Variants in RBFOX1 observed in about 807,000 individuals in gnomAD.
RBFOX1 encodes RNA binding fox-1 homolog 1.
RBFOX1 carries 8 observed loss-of-function variants against 57.7 expected under a neutral mutation model. The ratio of observed to expected loss-of-function variants is 0.14; its 90% confidence interval spans 0.08 to 0.25. RBFOX1 has a LOEUF of 0.25. Ranked by LOEUF, RBFOX1 falls within the 10% of genes least tolerant of loss-of-function variation. The probability of loss-of-function intolerance (pLI) is 1.00; values close to 1 mark genes in which losing one functional copy is unlikely to be tolerated. For missense variants in RBFOX1, 611 were observed against 548.5 expected (o/e 1.11, Z -1.14); for synonymous variants, 326 against 222.4 (o/e 1.47, Z -4.15).
At chr16:7,094,151 C>T (rs1363831366) in intron 4 of RBFOX1, among the ~76,000 whole-genome samples, 3 of 151,102 alleles carry the variant, frequency 2.0e-5, no homozygotes, top group African/African-American at 7.3e-5. Flanking sequence ...GAAAATTTTC[C>T]AAACCTTCAG....
rs1284720093 is a variant in RBFOX1, at chr16:6,097,760, TC to T, written c.-127+77769del. Among the ~76,000 whole-genome samples the T allele has an allele frequency of 6.6e-6, 1 of 151,830 alleles. No homozygotes were observed. Among genetic ancestry groups the T allele is most frequent in the African/African-American group, 2.4e-5 (1 of 41,360 alleles). On this transcript the variant is annotated intron_variant, in intron 1 of 15. Transcript: ENST00000550418. This position sits in a 1 kb window ranked among gnomAD's most constrained non-coding sequence, Gnocchi z 5.0. ...TCTGTGTCTTTGGTCTGTGTTCTCTTCTTTTTTTTTTTTTCTTACCACCCTC... is the reference window on the plus strand; with the variant it reads ...TCTGTGTCTTTGGTCTGTGTTCTCTTTTTTTTTTTTTTTCTTACCACCCTC...
chr16:7,138,916 C>A (rs953871258), intron 4 of RBFOX1, among the ~76,000 whole-genome samples: 3 of 152,144 alleles, frequency 2.0e-5, no homozygotes, highest in African/African-American at 7.2e-5. Flanking sequence ...TCAAGTAATT[C>A]TTGTGCCTCA....
chr16:5,243,757 G>C (rs1232782785), intron 1 of RBFOX1, among the ~76,000 whole-genome samples: 1 of 152,132 alleles, frequency 6.6e-6, no homozygotes. Flanking sequence ...TGCGGTCTTG[G>C]AAAATTAATA....
chr16:7,190,518 C>G (rs535906454), intron 4 of RBFOX1, among the ~76,000 whole-genome samples: 1 of 151,400 alleles, frequency 6.6e-6, no homozygotes, highest in Non-Finnish European at 1.5e-5. Context: ...CTGAGTGATA[C>G]TCTGATCTCT....
intron 1 of RBFOX1, among the ~76,000 whole-genome samples, chr16:6,035,763 G>A (rs1007332056): frequency 5.9e-5 from 9 of 152,136 alleles, no homozygotes; most frequent in Admixed American, 4.6e-4. Context: ...GAATTACTAT[G>A]TGAAATGAAA....
At chr16:5,267,913 T>C (rs568897645) in intron 1 of RBFOX1, among the ~76,000 whole-genome samples, 1 of 152,192 alleles carries the variant, frequency 6.6e-6, no homozygotes, top group African/African-American at 2.4e-5. Context: ...GAAACATCTC[T>C]ACTAAAAATA....
At chr16:5,723,185 A>C (rs561990404) in intron 3 of RBFOX1, among the ~76,000 whole-genome samples, 89 of 152,308 alleles carry the variant, frequency 5.8e-4, no homozygotes, top group Admixed American at 2.1e-3. Flanking sequence ...GTAACATGGG[A>C]GAATCACAAC....
intron 4 of RBFOX1, among the ~76,000 whole-genome samples, chr16:7,350,165 T>A (rs551607268): frequency 1.3e-5 from 2 of 151,560 alleles, no homozygotes; most frequent in East Asian, 3.9e-4. Context: ...AAAAAAAAAA[T>A]GGTTACATGG....
At chr16:7,090,998 C>G (rs997331479) in intron 4 of RBFOX1, among the ~76,000 whole-genome samples, 2 of 152,166 alleles carry the variant, frequency 1.3e-5, no homozygotes, top group Non-Finnish European at 2.9e-5. Context: ...GGAAAGTAGG[C>G]AATTGGCACC....
intron 1 of RBFOX1, among the ~76,000 whole-genome samples, chr16:5,455,831 A>G (rs2068614824): frequency 1.3e-5 from 2 of 152,166 alleles, no homozygotes; most frequent in Non-Finnish European, 2.9e-5. Flanking sequence ...TTCGAGAAAT[A>G]AATTCTTGAA....
chr16:6,349,082 G>A (rs1028931003), intron 2 of RBFOX1, among the ~76,000 whole-genome samples: 28 of 152,162 alleles, frequency 1.8e-4, no homozygotes, highest in African/African-American at 6.0e-4. Flanking sequence ...AGCTGATGCT[G>A]TGCCGTGGGT....
intron 2 of RBFOX1, among the ~76,000 whole-genome samples, chr16:6,479,098 GTGTT>G (rs771707143): frequency 6.6e-6 from 1 of 152,170 alleles, no homozygotes; most frequent in Non-Finnish European, 1.5e-5. Flanking sequence ...GTGTGTGTGT[GTGTT>G]TGTGTGTAAG....
At chr16:6,174,160 G>A (rs979387996) in intron 1 of RBFOX1, among the ~76,000 whole-genome samples, 5 of 152,152 alleles carry the variant, frequency 3.3e-5, no homozygotes, top group African/African-American at 7.2e-5. Flanking sequence ...GCGTCATGTT[G>A]GGTACACTTT....
At chr16:5,659,601 G>A (rs2049579315) in intron 3 of RBFOX1, among the ~76,000 whole-genome samples, 1 of 152,114 alleles carries the variant, frequency 6.6e-6, no homozygotes, top group African/African-American at 2.4e-5. Flanking sequence ...CACCGTGCCT[G>A]GCCGGTATAT....
intron 1 of RBFOX1, among the ~76,000 whole-genome samples, chr16:6,191,877 G>A (rs57628026): frequency 2.6e-5 from 4 of 152,126 alleles, no homozygotes; most frequent in Admixed American, 6.5e-5. Context: ...TGATTTGAAG[G>A]GGGGAGAATC....
intron 1 of RBFOX1, among the ~76,000 whole-genome samples, chr16:5,400,220 T>A (rs2066676136): frequency 6.6e-6 from 1 of 151,934 alleles, no homozygotes; most frequent in South Asian, 2.1e-4. Flanking sequence ...GCCTCTCGAG[T>A]AACTGGGATT....
chr16:7,560,551 A>C (rs1445255187), intron 5 of RBFOX1, among the ~76,000 whole-genome samples: 1 of 152,096 alleles, frequency 6.6e-6, no homozygotes, highest in Non-Finnish European at 1.5e-5. Flanking sequence ...AAAAAAGCAA[A>C]AATTGTTTTT....
intron 3 of RBFOX1, among the ~76,000 whole-genome samples, chr16:6,861,146 G>A (rs777934659): frequency 1.3e-5 from 2 of 152,038 alleles, no homozygotes; most frequent in African/African-American, 4.8e-5. Context: ...AGCATCTTCC[G>A]TATTTTTTAT....
chr16:6,109,593 A>G (rs546104010), intron 1 of RBFOX1, among the ~76,000 whole-genome samples: 1 of 152,340 alleles, frequency 6.6e-6, no homozygotes, highest in Non-Finnish European at 1.5e-5. Context: ...AGTGCACTTA[A>G]AAATACATTT....
Sources: allele counts gnomAD v4.1 joint callset (sites outside exome capture counted in the v4.1 genomes callset), GRCh38; gene constraint gnomAD v4.1.1; non-coding constraint Gnocchi (gnomAD v3.1); transcripts MANE v1.5; gene names NCBI Gene and HGNC (gene_info 2026-07-23, HGNC 2026-07-21).